The following ZNF423 variants were observed in gnomAD, a reference collection of about 807,000 sequenced individuals.
The protein encoded by ZNF423 is Ebf-associated zinc finger protein.
A neutral mutation model predicts 95.8 loss-of-function variants in ZNF423; 12 were observed. The ratio of observed to expected loss-of-function variants is 0.13; its 90% CI spans 0.08 to 0.20. The LOEUF is 0.20. Ranked by LOEUF, ZNF423 falls within the 10% of genes least tolerant of loss-of-function variation. The pLI is 1.00. For synonymous variants in ZNF423, 749 were observed against 711.9 expected (o/e 1.05, Z -0.83); for missense variants, 1,316 against 1,737.1 (o/e 0.76, Z 4.31).
At chr16:49,641,425 A>G (rs1430907584) in intron 3 of ZNF423, among the ~76,000 whole-genome samples, 1 of 152,136 alleles carries the variant, frequency 6.6e-6, no homozygotes, top group African/African-American at 2.4e-5. Flanking sequence ...CATGATTTGC[A>G]TTTCTGGGAG....
In ZNF423 at chr16:49,525,224, A is replaced by G. The variant is rs372712895; in HGVS notation, c.3733+139T>C. 68 of 1,298,722 alleles carry G rather than the reference A, an allele frequency of 5.2e-5. No homozygotes were observed. The East Asian group carries it at 5.4e-4, about 10-fold the overall frequency. The allele number at this position is 1,298,722 out of a possible 1,614,324, so 80.4% of individuals were successfully genotyped here. ...GGGGCAAAGGGCCTGTTAATCCCTC[A>G]GGGTATCCCCAACGGAGTCCTGGTC... On this transcript the variant is annotated intron_variant, in intron 6 of 7. Transcript: ENST00000563137.
intron 5 of ZNF423, among the ~76,000 whole-genome samples, chr16:49,600,275 G>A (rs894135261): frequency 1.3e-5 from 2 of 151,838 alleles, no homozygotes; most frequent in Admixed American, 6.6e-5. Flanking sequence ...AGCTGAGATC[G>A]CGCCACAGCA....
At chr16:49,651,673 A>G (rs1175870680) in intron 3 of ZNF423, among the ~76,000 whole-genome samples, 2 of 152,202 alleles carry the variant, frequency 1.3e-5, no homozygotes, top group Admixed American at 6.5e-5. Flanking sequence ...AGACCCAACT[A>G]TAGAGTTGTT....
intron 7 of ZNF423, among the ~76,000 whole-genome samples, chr16:49,517,485 T>A (rs994769451): frequency 1.3e-5 from 2 of 152,138 alleles, no homozygotes; most frequent in Non-Finnish European, 2.9e-5. Flanking sequence ...CACCTCGAGG[T>A]CAGACTGGAT....
chr16:49,555,478 T>G (rs1969788199), intron 5 of ZNF423, among the ~76,000 whole-genome samples: 1 of 152,266 alleles, frequency 6.6e-6, no homozygotes, highest in African/African-American at 2.4e-5. Context: ...TTTCCCATTT[T>G]GTAGACGAAA....
At chr16:49,803,325 C>A (rs559809110) in intron 1 of ZNF423, among the ~76,000 whole-genome samples, 1 of 152,264 alleles carries the variant, frequency 6.6e-6, no homozygotes, top group South Asian at 2.1e-4. Flanking sequence ...AGTCCCATCA[C>A]AGGAGGCTCC....
At chr16:49,731,691 T>C (rs1415339227) in intron 2 of ZNF423, among the ~76,000 whole-genome samples, 1 of 151,964 alleles carries the variant, frequency 6.6e-6, no homozygotes, top group Non-Finnish European at 1.5e-5. Context: ...GGTATAGTGG[T>C]GTGTGCCTGT....
intron 7 of ZNF423, among the ~76,000 whole-genome samples, chr16:49,508,513 TAA>T (rs35061120): frequency 0.39 from 39,185 of 101,242 alleles, 7,106 homozygotes; most frequent in African/African-American, 0.48. Context: ...TTCTCTTTCT[TAA>T]AAAAAAAAAA....
At chr16:49,625,696 A>G (rs1365034075) in intron 5 of ZNF423, among the ~76,000 whole-genome samples, 1 of 152,224 alleles carries the variant, frequency 6.6e-6, no homozygotes, top group East Asian at 1.9e-4. Context: ...CTGCCCTTCT[A>G]GAGAGGCTGA....
At chr16:49,815,898 ATATATATATATATATATTTT>A (rs1567356340) in intron 1 of ZNF423, among the ~76,000 whole-genome samples, 136 of 47,708 alleles carry the variant, frequency 2.9e-3, no homozygotes, top group South Asian at 7.5e-3. Flanking sequence ...ATATATATAT[ATATATATATATATATATTTT>A]TTTTTTTTTT....
At chr16:49,584,884 G>C (rs569035386) in intron 5 of ZNF423, among the ~76,000 whole-genome samples, 106 of 152,134 alleles carry the variant, frequency 7.0e-4, no homozygotes, top group Non-Finnish European at 1.4e-3. Flanking sequence ...ACATAATTCA[G>C]CCCAGAACAG....
chr16:49,591,995 C>T (rs1971024003), intron 5 of ZNF423, among the ~76,000 whole-genome samples: 3 of 152,362 alleles, frequency 2.0e-5, no homozygotes, highest in Admixed American at 2.0e-4. Context: ...GAAAATTCAG[C>T]AAGCTATCTG....
At chr16:49,540,446 T>A (rs1251146219) in intron 5 of ZNF423, among the ~76,000 whole-genome samples, 3 of 152,040 alleles carry the variant, frequency 2.0e-5, no homozygotes, top group African/African-American at 7.2e-5. Context: ...CACTCATTTT[T>A]TTTTTTCTTT....
intron 1 of ZNF423, among the ~76,000 whole-genome samples, chr16:49,816,927 T>G (rs925511913): frequency 2.6e-5 from 4 of 152,204 alleles, no homozygotes; most frequent in African/African-American, 9.7e-5. Context: ...GCAATCAGTA[T>G]GCTCAAGGCA....
intron 7 of ZNF423, 74 bp from the exon 8 acceptor site, chr16:49,491,378 A>AT (rs748497366): frequency 1.1e-5 from 18 of 1,574,270 alleles, no homozygotes; most frequent in Admixed American, 1.7e-5. Context: ...CACTCAGTGC[A>AT]TTTACGCCGG....
At chr16:49,687,066 C>T (rs1225010492) in intron 3 of ZNF423, among the ~76,000 whole-genome samples, 1 of 152,082 alleles carries the variant, frequency 6.6e-6, no homozygotes, top group East Asian at 1.9e-4. Flanking sequence ...CACCTCCCCA[C>T]ATCTGGCAGA....
At chr16:49,792,273 C>A (rs1185217963) in intron 1 of ZNF423, among the ~76,000 whole-genome samples, 1 of 152,168 alleles carries the variant, frequency 6.6e-6, no homozygotes, top group African/African-American at 2.4e-5. Flanking sequence ...CCACCCAAGT[C>A]ACTGAACTTG....
chr16:49,641,239 C>T (rs921206913), intron 3 of ZNF423, among the ~76,000 whole-genome samples: 1 of 152,208 alleles, frequency 6.6e-6, no homozygotes, highest in Non-Finnish European at 1.5e-5. Context: ...CCAGGACTGT[C>T]CACATTCAGG....
intron 3 of ZNF423, among the ~76,000 whole-genome samples, chr16:49,719,784 A>G (rs1312613574): frequency 6.6e-6 from 1 of 152,240 alleles, no homozygotes; most frequent in Non-Finnish European, 1.5e-5. Flanking sequence ...ATGCAAGTCA[A>G]TTAAAAACCT....
Sources: allele counts gnomAD v4.1 joint callset (sites outside exome capture counted in the v4.1 genomes callset), GRCh38; gene constraint gnomAD v4.1.1; transcripts MANE v1.5; gene names NCBI Gene and HGNC (gene_info 2026-07-23, HGNC 2026-07-21).